Variants in DIAPH2 observed in about 807,000 individuals in gnomAD.
The protein encoded by DIAPH2 is diaphanous related formin 2, also known as protein diaphanous homolog 2.
Under a neutral mutation model 92.7 loss-of-function variants are expected in DIAPH2, and 35 were observed. The observed-to-expected ratio is 0.38, with a 90% CI of 0.29 to 0.50. The LOEUF (loss-of-function observed/expected upper bound fraction) is 0.50. Ranked by LOEUF, DIAPH2 falls within the 20% of genes least tolerant of loss-of-function variation. The pLI is 0.94. For synonymous variants in DIAPH2, 301 were observed against 280.4 expected, an observed-to-expected ratio of 1.07 and a Z score of -0.73; for missense variants, 701 against 819.5, an observed-to-expected ratio of 0.86 and a Z score of 1.77.
chrX:97,307,649 C>A (rs776190238), intron 23 of DIAPH2, among the ~76,000 whole-genome samples: 3 of 110,864 alleles, frequency 2.7e-5, no homozygotes, highest in Non-Finnish European at 5.7e-5. Flanking sequence ...TGGCTCACTC[C>A]TATAATCCCA....
At position 97,524,158 on chromosome X, in the gene DIAPH2, C is replaced by T. The variant is rs181321896; in HGVS notation, c.3242-75095C>T. On this transcript the variant is annotated intron_variant, in intron 26 of 26. Transcript: ENST00000324765. ...TCTGCTCCCCACTGAAATGTAACCTCCATGAGAGAAGATGCTTTAACTCCT... is the reference window on the plus strand; with the variant it reads ...TCTGCTCCCCACTGAAATGTAACCTTCATGAGAGAAGATGCTTTAACTCCT... 5.0e-4 allele frequency among the ~76,000 whole-genome samples: 56 copies of T among 111,902 alleles called. No individual in the cohort carries two copies. In the Admixed American group the frequency reaches 5.2e-3, roughly 10 times the overall value.
intron 25 of DIAPH2, among the ~76,000 whole-genome samples, chrX:97,400,274 T>C (rs767597258): frequency 2.2e-4 from 25 of 112,404 alleles, no homozygotes; most frequent in Non-Finnish European, 4.1e-4. Flanking sequence ...GATTCCAACA[T>C]GAGTATTTGT....
intron 17 of DIAPH2, among the ~76,000 whole-genome samples, chrX:97,058,446 CT>C (rs2066572863): frequency 9.9e-6 from 1 of 101,459 alleles, no homozygotes; most frequent in Non-Finnish European, 2.0e-5. Context: ...CTGAAATGGC[CT>C]ATTTTCTTCT....
chrX:96,816,522 G>C (rs1472143454), intron 4 of DIAPH2, among the ~76,000 whole-genome samples: 1 of 112,083 alleles, frequency 8.9e-6, no homozygotes, highest in Non-Finnish European at 1.9e-5. Flanking sequence ...ATTACAATGA[G>C]GTATCATCTC....
chrX:97,227,273 A>G (rs907585868), intron 22 of DIAPH2, among the ~76,000 whole-genome samples: 1 of 107,157 alleles, frequency 9.3e-6, no homozygotes, highest in African/African-American at 3.4e-5. Flanking sequence ...GACTTCGTCT[A>G]AAAAAAAAAC....
At chrX:97,595,583 T>C (rs1465470328) in intron 26 of DIAPH2, among the ~76,000 whole-genome samples, 1 of 103,273 alleles carries the variant, frequency 9.7e-6, no homozygotes, top group Non-Finnish European at 2.1e-5. Flanking sequence ...TTTTCCTCTC[T>C]TTCTTTCTTT....
In DIAPH2 at chrX:96,959,863, T is replaced by C. The variant is rs994197329; in HGVS notation, c.1935+1715T>C. Among the ~76,000 whole-genome samples the C allele has an allele frequency of 4.5e-5, 5 of 111,859 alleles. 1 individual carries two copies. Among genetic ancestry groups the C allele is most frequent in the Non-Finnish European group, 9.4e-5 (5 of 53,009 alleles). The stretch of plus-strand genomic sequence containing the variant: ...TGTCCAGTTTTCCTATCATCATTTA[T>C]TGAAGAGGGTGTCCTTTCCCCATTG... On this transcript the variant is annotated intron_variant, in intron 16 of 26. Transcript: ENST00000324765.
chrX:96,884,873 A>G (rs778184711), intron 5 of DIAPH2: 1 of 1,210,964 alleles, frequency 8.3e-7, no homozygotes, highest in Non-Finnish European at 1.1e-6. Context: ...TCAGAAGTGA[A>G]TGATGCTGGG....
rs1245763569 is a variant in DIAPH2, at chrX:97,322,568, A to G, written c.2845-25548A>G. ...ATTACATGTGTGTGCCTGAAGGCATACACAAAGAAAACACCAGAAACCATA... is the reference window on the plus strand; with the variant it reads ...ATTACATGTGTGTGCCTGAAGGCATGCACAAAGAAAACACCAGAAACCATA... On this transcript the variant is annotated intron_variant, in intron 23 of 26. Coordinates refer to ENST00000324765, the MANE Select transcript of DIAPH2 (RefSeq NM_006729.5). Among the ~76,000 whole-genome samples, 18 of 111,703 alleles carry G rather than the reference A, an allele frequency of 1.6e-4. No individual in the cohort carries two copies. The Admixed American group carries it at 1.7e-3, about 11-fold the overall frequency.
intron 4 of DIAPH2, among the ~76,000 whole-genome samples, 200 bp from the exon 5 acceptor site, chrX:96,881,379 A>AT (rs952098294): frequency 2.5e-4 from 27 of 108,677 alleles, no homozygotes; most frequent in Admixed American, 4.9e-4. Flanking sequence ...CAGCACTGTA[A>AT]TTTTTTTTTT....
intron 4 of DIAPH2, among the ~76,000 whole-genome samples, chrX:96,774,872 C>CTA (rs2064365480): frequency 8.9e-6 from 1 of 111,953 alleles, no homozygotes; most frequent in Non-Finnish European, 1.9e-5. Context: ...ATACACTAGG[C>CTA]TATAACAGCA....
intron 26 of DIAPH2, among the ~76,000 whole-genome samples, chrX:97,593,801 G>T (rs1181103637): frequency 1.8e-5 from 2 of 111,532 alleles, no homozygotes; most frequent in Non-Finnish European, 3.8e-5. Flanking sequence ...GATCCCAATA[G>T]ATAAATGGGC....
intron 4 of DIAPH2, among the ~76,000 whole-genome samples, chrX:96,803,759 G>T: frequency 8.9e-6 from 1 of 112,150 alleles, no homozygotes; most frequent in Non-Finnish European, 1.9e-5. Context: ...TCCTGTGCTG[G>T]CTGGGTGCGG....
chrX:96,731,950 A>G (rs1185515289), intron 1 of DIAPH2, among the ~76,000 whole-genome samples: 1 of 111,761 alleles, frequency 8.9e-6, no homozygotes, highest in Non-Finnish European at 1.9e-5. Flanking sequence ...AAAACTTACA[A>G]AAATGACTTT....
intron 26 of DIAPH2, among the ~76,000 whole-genome samples, chrX:97,593,851 G>A (rs935626595): frequency 7.2e-5 from 8 of 111,348 alleles, no homozygotes; most frequent in Admixed American, 6.7e-4. Context: ...CATATGAAAC[G>A]TTCCACCTAA....
chrX:96,934,416 A>G (rs888032357), intron 10 of DIAPH2, among the ~76,000 whole-genome samples: 3 of 111,453 alleles, frequency 2.7e-5, no homozygotes, highest in Admixed American at 9.6e-5. Flanking sequence ...AGATGTGACT[A>G]GGGCTAATAT....
At chrX:96,800,090 T>G (rs2147647927) in intron 4 of DIAPH2, among the ~76,000 whole-genome samples, 1 of 111,749 alleles carries the variant, frequency 8.9e-6, no homozygotes, top group South Asian at 3.7e-4. Context: ...CCATGTGTTT[T>G]GATAGTGTAT....
intron 23 of DIAPH2, among the ~76,000 whole-genome samples, chrX:97,281,636 C>T (rs1477301092): frequency 1.8e-5 from 2 of 108,267 alleles, no homozygotes; most frequent in East Asian, 2.9e-4. Context: ...CCCAGCTACT[C>T]GGGAGGCTGA....
chrX:96,968,950 G>C (rs1602674850), intron 17 of DIAPH2, among the ~76,000 whole-genome samples: 1 of 112,672 alleles, frequency 8.9e-6, no homozygotes, highest in East Asian at 2.8e-4. Context: ...TGGCTAGCCA[G>C]CTATCACAGT....
Sources: gnomAD v4.1 joint callset for allele counts (sites outside exome capture counted in the v4.1 genomes callset) on GRCh38, gnomAD v4.1.1 for gene constraint, MANE v1.5 for transcripts, NCBI Gene and HGNC (gene_info 2026-07-23, HGNC 2026-07-21) for gene names.